The following LGR5 variants were observed in gnomAD, a reference collection of about 807,000 sequenced individuals.
LGR5 encodes leucine rich repeat containing G protein-coupled receptor 5, also known as leucine-rich repeat-containing G protein-coupled receptor 5.
In LGR5, 54 loss-of-function variants were observed where a neutral mutation model predicts 76.7. The ratio of observed to expected loss-of-function variants is 0.70; its 90% CI spans 0.57 to 0.88. The LOEUF is 0.88. Among genes scored for constraint, LGR5 ranks in the 40% least tolerant of loss-of-function variants. LGR5 has a pLI of 0.00. For synonymous variants in LGR5, 406 were observed against 421.9 expected (o/e 0.96, Z 0.46); for missense variants, 1,078 against 1,073.3 (o/e 1.00, Z -0.06).
intron 2 of LGR5, among the ~76,000 whole-genome samples, chr12:71,516,632 A>G (rs752236527): frequency 2.0e-5 from 3 of 152,200 alleles, no homozygotes; most frequent in Non-Finnish European, 4.4e-5. Context: ...AAAATATAAA[A>G]TAAAATCTTT....
intron 3 of LGR5, among the ~76,000 whole-genome samples, chr12:71,533,196 T>G (rs191769538): frequency 1.2e-3 from 184 of 151,990 alleles, no homozygotes; most frequent in Non-Finnish European, 2.4e-3. Flanking sequence ...AATACAAAAA[T>G]TAGCCGGGCA....
intron 4 of LGR5, among the ~76,000 whole-genome samples, chr12:71,535,822 C>G (rs1416398816): frequency 1.3e-5 from 2 of 152,172 alleles, no homozygotes; most frequent in Non-Finnish European, 2.9e-5. Flanking sequence ...TTGGTGTTCC[C>G]TACTCTGAAT....
chr12:71,470,196 C>T (rs1402110074), intron 1 of LGR5, among the ~76,000 whole-genome samples: 1 of 152,156 alleles, frequency 6.6e-6, no homozygotes, highest in Non-Finnish European at 1.5e-5. Context: ...TTTCAATTTC[C>T]CTTCAGCCCT....
chr12:71,489,167 A>C (rs1014519819), intron 1 of LGR5, among the ~76,000 whole-genome samples: 12 of 152,148 alleles, frequency 7.9e-5, no homozygotes, highest in African/African-American at 2.9e-4. Context: ...TTGAATCTTT[A>C]AGGGTCTTTC....
chr12:71,584,707 C>T lies in LGR5; in HGVS notation c.2697C>T (p.Ser899=). 2 of 1,612,506 alleles carry T rather than the reference C, an allele frequency of 1.2e-6. No individual in the cohort carries two copies. Among genetic ancestry groups the T allele is most frequent in the Non-Finnish European group, 1.7e-6 (2 of 1,178,656 alleles). ...CAGTGACTGAGAGCTGCCATCTTTC[C>T]TCTGTGGCATTTGTCCCATGTCTCT... ...AYPVTESCHL[S]SVAFVPCL Residue 899 remains serine, a synonymous_variant, in exon 18 of 18, where the codon TCC becomes TCT. Coordinates refer to ENST00000266674, the MANE Select transcript of LGR5 (RefSeq NM_003667.4).
At chr12:71,562,522 C>G (rs1426508216) in intron 8 of LGR5, among the ~76,000 whole-genome samples, 1 of 152,160 alleles carries the variant, frequency 6.6e-6, no homozygotes, top group South Asian at 2.1e-4. Flanking sequence ...TTACAGTGAA[C>G]TATGATCATG....
intron 1 of LGR5, among the ~76,000 whole-genome samples, chr12:71,443,888 A>G (rs182530399): frequency 6.6e-6 from 1 of 152,166 alleles, no homozygotes; most frequent in African/African-American, 2.4e-5. Flanking sequence ...TGTATGTTAT[A>G]TAAACCAAAG....
intron 1 of LGR5, among the ~76,000 whole-genome samples, chr12:71,502,637 C>T (rs148127294): frequency 1.3e-5 from 2 of 152,266 alleles, no homozygotes; most frequent in African/African-American, 2.4e-5. Flanking sequence ...AGTTTTCCCA[C>T]GATTATGCAG....
Position 71,440,303 on chromosome 12 carries a change from C to T in LGR5, c.212+11C>T. On this transcript the variant is annotated intron_variant, in intron 1 of 17. Coordinates refer to ENST00000266674, the MANE Select transcript of LGR5 (RefSeq NM_003667.4). This position sits in a 1 kb window ranked among gnomAD's most constrained non-coding sequence, Gnocchi z 5.3. ...CTTCACCTCCTACCTGTAAGTACTT[C>T]CCCACGTCACTCCGGGAGAGAGACT... The T allele has an allele frequency of 2.5e-6, 4 of 1,605,020 alleles. No homozygotes were observed. The highest frequency in any genetic ancestry group is 3.4e-6 in the Non-Finnish European group (4 of 1,177,354).
At chr12:71,474,706 A>G (rs1383475048) in intron 1 of LGR5, among the ~76,000 whole-genome samples, 2 of 152,236 alleles carry the variant, frequency 1.3e-5, no homozygotes, top group Admixed American at 1.3e-4. Flanking sequence ...AGTATGTGGA[A>G]AAATCAATTT....
At chr12:71,494,459 A>C (rs1874223992) in intron 1 of LGR5, among the ~76,000 whole-genome samples, 1 of 151,106 alleles carries the variant, frequency 6.6e-6, no homozygotes, top group South Asian at 2.1e-4. Flanking sequence ...CCAATCAAAA[A>C]ATGCATGCCA....
intron 1 of LGR5, among the ~76,000 whole-genome samples, chr12:71,479,565 C>T (rs1224793431): frequency 3.3e-5 from 5 of 151,160 alleles, no homozygotes; most frequent in Non-Finnish European, 7.4e-5. Flanking sequence ...AGGAGGGAGG[C>T]AGGGAGAGGC....
chr12:71,469,802 G>A (rs1179939563), intron 1 of LGR5, among the ~76,000 whole-genome samples: 1 of 152,144 alleles, frequency 6.6e-6, no homozygotes, highest in Non-Finnish European at 1.5e-5. Context: ...TTACAGAAGT[G>A]CCTTAAATCC....
chr12:71,541,406 A>G (rs1349767794), intron 4 of LGR5, among the ~76,000 whole-genome samples: 1 of 152,210 alleles, frequency 6.6e-6, no homozygotes, highest in East Asian at 1.9e-4. Flanking sequence ...TGAGAAGTAA[A>G]ATAAATTTTT....
rs1340815851 is a variant in LGR5, at chr12:71,566,618, ACTC to A, written c.930-10_930-8del. 4.4e-6 allele frequency: 7 copies of A among 1,604,096 alleles called. No individual in the cohort carries two copies. Among genetic ancestry groups the A allele is most frequent in the Non-Finnish European group, 6.0e-6 (7 of 1,171,188 alleles). Reference sequence around the variant, plus strand: ...AATCTTCTACCAGTAATACTTATATACTCCTCTTTCTAGGACTCTGAATGGTGC... The same window carrying A: ...AATCTTCTACCAGTAATACTTATATACTCTTTCTAGGACTCTGAATGGTGC... On this transcript the variant is annotated splice_polypyrimidine_tract_variant and intron_variant, in intron 9 of 17. Transcript: ENST00000266674.
intron 7 of LGR5, among the ~76,000 whole-genome samples, chr12:71,560,875 A>G (rs1214698303): frequency 1.3e-5 from 2 of 152,222 alleles, no homozygotes; most frequent in African/African-American, 4.8e-5. Context: ...TAAATGTTCA[A>G]TGAATCTTAT....
intron 2 of LGR5, among the ~76,000 whole-genome samples, chr12:71,523,624 G>A (rs572170088): frequency 2.5e-4 from 38 of 152,204 alleles, no homozygotes; most frequent in African/African-American, 8.9e-4. Flanking sequence ...TTGTCCTTTA[G>A]TATATGAGGT....
At position 71,504,657 on chromosome 12, in the gene LGR5, C is replaced by A. The variant is rs370230855; in HGVS notation, c.256C>A (p.Leu86Met). Reference sequence around the variant, plus strand: ...CATCAGTCAGCTGCTCCCGAATCCCCTGCCCAGTCTCCGCTTCCTGGAGGA... The same window carrying A: ...CATCAGTCAGCTGCTCCCGAATCCCATGCCCAGTCTCCGCTTCCTGGAGGA... ...NNISQLLPNPLPSLRFLEELR... is the reference protein window; with the variant it reads ...NNISQLLPNPMPSLRFLEELR... The change falls in exon 2 of 18, where the codon CTG (leucine) becomes ATG (methionine). Residue 86 changes from leucine to methionine, a missense_variant. Physicochemically the swap from Leu to Met is conservative, Grantham distance 15. Coordinates refer to ENST00000266674, the MANE Select transcript of LGR5 (RefSeq NM_003667.4). The A allele has an allele frequency of 1.5e-5, 24 of 1,613,948 alleles. No homozygotes were observed. The highest frequency in any genetic ancestry group is 1.9e-5 in the Non-Finnish European group (23 of 1,179,954).
At position 71,440,053 on chromosome 12, in the gene LGR5, C is replaced by A. The variant is rs748575318; in HGVS notation, c.-28C>A. ...TCCGGTGCTGCTCTCCGCCCGCGTC[C>A]GGCTCGTGGCCCCCTACTTCGGGCA... On this transcript the variant is annotated 5_prime_UTR_variant, in exon 1 of 18. Coordinates refer to ENST00000266674, the MANE Select transcript of LGR5 (RefSeq NM_003667.4). This position sits in a 1 kb window ranked among gnomAD's most constrained non-coding sequence, Gnocchi z 5.3. The A allele has an allele frequency of 6.3e-7, 1 of 1,595,430 alleles. No individual in the cohort carries two copies. The highest frequency in any genetic ancestry group is 2.2e-5 in the East Asian group (1 of 44,806).
Sources: allele counts gnomAD v4.1 joint callset (sites outside exome capture counted in the v4.1 genomes callset), GRCh38; gene constraint gnomAD v4.1.1; non-coding constraint Gnocchi (gnomAD v3.1); transcripts MANE v1.5; gene names NCBI Gene and HGNC (gene_info 2026-07-23, HGNC 2026-07-21).